The following ATG4B variants were observed in gnomAD, a reference collection of about 807,000 sequenced individuals.
ATG4B encodes cysteine protease ATG4B.
A neutral mutation model predicts 56.6 loss-of-function variants in ATG4B; 29 were observed. That is an observed-to-expected ratio of 0.51 (90% CI 0.38 to 0.70). The LOEUF (loss-of-function observed/expected upper bound fraction) is 0.70, where lower values mean the gene tolerates loss of function less well. Among genes scored for constraint, ATG4B ranks in the 30% least tolerant of loss-of-function variants. The pLI, the probability that ATG4B is intolerant of heterozygous loss-of-function variation, is 0.00. For missense variants in ATG4B, 461 were observed against 515.5 expected (o/e 0.89, Z 1.02); for synonymous variants, 224 against 206.1 (o/e 1.09, Z -0.74).
Position 241,668,067 on chromosome 2 carries a change from GGCC to G in ATG4B, c.733-75_733-73del. On this transcript the variant is annotated intron_variant, in intron 8 of 12. Transcript: ENST00000404914. The surrounding 1 kb of genome is among the most constrained non-coding windows in gnomAD (Gnocchi z 4.2). Reference sequence around the variant, plus strand: ...CCAGTTGGGCCTCAGCAGGCCCTTGGGCCCCCTATGGCAGTGGGTGGGGGGACC... The same window carrying G: ...CCAGTTGGGCCTCAGCAGGCCCTTGGCCCTATGGCAGTGGGTGGGGGGACC... 2.1e-6 allele frequency: 3 copies of G among 1,461,628 alleles called. No homozygotes were observed. The highest frequency in any genetic ancestry group is 2.8e-6 in the Non-Finnish European group (3 of 1,075,482). 90.5% of individuals were successfully genotyped at this position (1,461,628 alleles called of 1,614,324 possible).
chr2:241,664,971 G>A (rs2068716557), intron 7 of ATG4B, among the ~76,000 whole-genome samples: 1 of 151,848 alleles, frequency 6.6e-6, no homozygotes. Flanking sequence ...AAAAAGAAAA[G>A]TCAGGGGGCA....
In ATG4B at chr2:241,637,699, C is replaced by T. The variant is rs2067708851; in HGVS notation, c.-16C>T. On this transcript the variant is annotated 5_prime_UTR_variant, in exon 1 of 13. Transcript: ENST00000404914. ...GAGCGACGCCGCTCGGGTCAGTCGG[C>T]GGCCGGACTGGGAAGATGGACGCAG... 1.9e-6 allele frequency: 3 copies of T among 1,583,576 alleles called. No individual in the cohort carries two copies. Among genetic ancestry groups the T allele is most frequent in the Non-Finnish European group, 2.6e-6 (3 of 1,167,642 alleles).
chr2:241,651,815 G>A lies in ATG4B; in HGVS notation c.184+480G>A, dbSNP rs1380387171. On this transcript the variant is annotated intron_variant, in intron 3 of 12. Coordinates refer to ENST00000404914, the MANE Select transcript of ATG4B (RefSeq NM_013325.5). This position sits in a 1 kb window ranked among gnomAD's most constrained non-coding sequence, Gnocchi z 4.1. ...TTAGTATTTTCCACACTTAACCTGT[G>A]GGGAGATTTGAAGGGCCAGGTGAAT... The A allele has an allele frequency of 1.9e-6, 2 of 1,055,446 alleles. No homozygotes were observed. Among genetic ancestry groups the A allele is most frequent in the Non-Finnish European group, 2.6e-6 (2 of 763,442 alleles). The allele number at this position is 1,055,446 out of a possible 1,614,324, so 65.4% of individuals were successfully genotyped here.
Position 241,651,651 on chromosome 2 carries a change from C to T in ATG4B, c.184+316C>T, listed in dbSNP as rs369345661. ...CATAGAAAGCGGTGTGTGTCCGCCACGGGCACGCAGCATGGCGCTTCAGGG... is the reference window on the plus strand; with the variant it reads ...CATAGAAAGCGGTGTGTGTCCGCCATGGGCACGCAGCATGGCGCTTCAGGG... On this transcript the variant is annotated intron_variant, in intron 3 of 12. Coordinates refer to ENST00000404914, the MANE Select transcript of ATG4B (RefSeq NM_013325.5). The surrounding 1 kb of genome is among the most constrained non-coding windows in gnomAD (Gnocchi z 4.1). Among the ~76,000 whole-genome samples the T allele has an allele frequency of 4.6e-5, 7 of 152,360 alleles. No individual in the cohort carries two copies. The East Asian group carries it at 9.6e-4, about 21-fold the overall frequency.
At chr2:241,645,511 G>T (rs1039471276) in intron 1 of ATG4B, among the ~76,000 whole-genome samples, 1 of 152,192 alleles carries the variant, frequency 6.6e-6, no homozygotes, top group Non-Finnish European at 1.5e-5. Flanking sequence ...GAGAAGGCTG[G>T]CCCTGAAAGA....
chr2:241,663,589 A>C (rs562437432), intron 7 of ATG4B, among the ~76,000 whole-genome samples: 1 of 152,228 alleles, frequency 6.6e-6, no homozygotes, highest in African/African-American at 2.4e-5. Context: ...AAATTAATGA[A>C]ATAAGCATAC....
chr2:241,643,701 C>G (rs1439191107), intron 1 of ATG4B, among the ~76,000 whole-genome samples: 2 of 130,968 alleles, frequency 1.5e-5, no homozygotes, highest in Admixed American at 7.4e-5. Flanking sequence ...TTTTCCCCCC[C>G]CCCCGTCGTC....
chr2:241,645,688 A>G (rs1278802155), intron 1 of ATG4B, among the ~76,000 whole-genome samples: 1 of 152,176 alleles, frequency 6.6e-6, no homozygotes, highest in Non-Finnish European at 1.5e-5. Context: ...GCTGTCAGGA[A>G]CGTGCTCCAG....
intron 7 of ATG4B, 97 bp from the exon 8 acceptor site, chr2:241,666,548 G>A (rs754205622): frequency 5.8e-5 from 75 of 1,287,356 alleles, no homozygotes; most frequent in African/African-American, 2.7e-4. Flanking sequence ...GCTTTGTACC[G>A]CCCTTTTTCT....
chr2:241,670,466 A>G, intron 10 of ATG4B: 1 of 566,184 alleles, frequency 1.8e-6, no homozygotes, highest in Non-Finnish European at 3.2e-6. Context: ...AGAGATGCAC[A>G]CCACGTAACA....
chr2:241,670,793 G>A lies in ATG4B; in HGVS notation c.1014+11G>A, dbSNP rs1321369749. 7 of 1,604,034 alleles carry A rather than the reference G, an allele frequency of 4.4e-6. No individual in the cohort carries two copies. Among genetic ancestry groups the A allele is most frequent in the South Asian group, 3.4e-5 (3 of 89,366 alleles). On this transcript the variant is annotated intron_variant, in intron 11 of 12. Coordinates refer to ENST00000404914, the MANE Select transcript of ATG4B (RefSeq NM_013325.5). ...CAGCAAGTCAAAAAGGTTTGTAGCC[G>A]CCCCACACCCACAGCCGAGCTGAGC...
intron 1 of ATG4B, among the ~76,000 whole-genome samples, chr2:241,645,106 G>A (rs989077186): frequency 6.6e-6 from 1 of 152,214 alleles, no homozygotes; most frequent in Non-Finnish European, 1.5e-5. Context: ...GGAGCTGCGA[G>A]GGTGTCCAGG....
Position 241,654,537 on chromosome 2 carries a change from T to C in ATG4B, c.284-9T>C. 6.3e-7 allele frequency: 1 copy of C among 1,575,268 alleles called. No individual in the cohort carries two copies. Among genetic ancestry groups the C allele is most frequent in the Non-Finnish European group, 8.6e-7 (1 of 1,159,206 alleles). ...TGGTAGAGCTGACCTGTAATTTTTT[T>C]TCCAATAGATTGGAGGTGGACACAA... On this transcript the variant is annotated splice_polypyrimidine_tract_variant and intron_variant, in intron 4 of 12. Transcript: ENST00000404914.
At chr2:241,642,284 CAG>C (rs2067913822) in intron 1 of ATG4B, among the ~76,000 whole-genome samples, 1 of 150,854 alleles carries the variant, frequency 6.6e-6, no homozygotes, top group South Asian at 2.1e-4. Context: ...TGCACTGAAA[CAG>C]TGTTTTCTAG....
chr2:241,649,928 C>T (rs1481492719), intron 1 of ATG4B, among the ~76,000 whole-genome samples: 4 of 151,888 alleles, frequency 2.6e-5, no homozygotes, highest in South Asian at 2.1e-4. Context: ...GGATTACAGG[C>T]GCCCGCCACC....
At chr2:241,663,591 T>C (rs71430377) in intron 7 of ATG4B, among the ~76,000 whole-genome samples, 16,586 of 152,100 alleles carry the variant, frequency 0.11, 990 homozygotes, top group African/African-American at 0.14. Context: ...ATTAATGAAA[T>C]AAGCATACAA....
chr2:241,641,377 C>T (rs937872500), intron 1 of ATG4B, among the ~76,000 whole-genome samples: 3 of 152,064 alleles, frequency 2.0e-5, no homozygotes, highest in South Asian at 2.1e-4. Flanking sequence ...GGTGAAACCC[C>T]GTCGCTACTA....
intron 1 of ATG4B, chr2:241,638,414 C>T (rs1448341133): frequency 6.6e-6 from 1 of 151,840 alleles, no homozygotes; most frequent in Non-Finnish European, 1.5e-5. Context: ...TTTTCCTATC[C>T]TTTCATGCTT....
At chr2:241,638,647 C>T (rs953765176) in intron 1 of ATG4B, among the ~76,000 whole-genome samples, 4 of 152,162 alleles carry the variant, frequency 2.6e-5, no homozygotes, top group Non-Finnish European at 5.9e-5. Flanking sequence ...TTTCTGGTAG[C>T]TACAACATAA....
Sources: gnomAD v4.1 joint callset for allele counts (sites outside exome capture counted in the v4.1 genomes callset) on GRCh38, gnomAD v4.1.1 for gene constraint, Gnocchi (gnomAD v3.1) non-coding constraint, MANE v1.5 for transcripts, NCBI Gene and HGNC (gene_info 2026-07-23, HGNC 2026-07-21) for gene names.